The following MASP1 variants were observed in gnomAD, a reference collection of about 807,000 sequenced individuals.
MASP1 encodes mannan-binding lectin serine protease 1.
Under a neutral mutation model 77.1 loss-of-function variants are expected in MASP1, and 59 were observed. That is an observed-to-expected ratio of 0.77 (90% CI 0.62 to 0.95). The LOEUF (loss-of-function observed/expected upper bound fraction) is 0.95. Among genes scored for constraint, MASP1 ranks in the 40% least tolerant of loss-of-function variants. The pLI is 0.00. For missense variants in MASP1, 885 were observed against 912.9 expected (o/e 0.97, Z 0.39); for synonymous variants, 362 against 354.5 (o/e 1.02, Z -0.24).
At position 187,256,844 on chromosome 3, in the gene MASP1, G is replaced by T; in HGVS notation, c.564C>A (p.Asn188Lys). The T allele has an allele frequency of 1.9e-6, 3 of 1,613,836 alleles. No individual in the cohort carries two copies. The highest frequency in any genetic ancestry group is 2.5e-6 in the Non-Finnish European group (3 of 1,179,888). Residue 188 changes from asparagine to lysine, a missense_variant, in exon 5 of 11, where the codon AAC (asparagine) becomes AAA (lysine). Asn to Lys is a moderately conservative substitution (Grantham distance 94, BLOSUM62 0). Transcript: ENST00000296280. ...NRTCRVECSD[N>K]LFTQRTGVIT... ...TCACCCCAGTCCTTTGAGTGAAGAG[G>T]TTGTCACTGCACTCCACTGTTGGAA...
At chr3:187,289,065 G>T (rs1235900361) in intron 1 of MASP1, among the ~76,000 whole-genome samples, 2 of 152,130 alleles carry the variant, frequency 1.3e-5, no homozygotes, top group African/African-American at 4.8e-5. Flanking sequence ...TGTATACGAG[G>T]CACCGGCTGT....
intron 1 of MASP1, among the ~76,000 whole-genome samples, chr3:187,288,842 T>C (rs974065789): frequency 1.3e-5 from 2 of 152,184 alleles, no homozygotes; most frequent in Non-Finnish European, 2.9e-5. Flanking sequence ...CCATGTGTGG[T>C]AGGCAACTGG....
chr3:187,286,022 G>T lies in MASP1; in HGVS notation c.40C>A (p.Leu14Met), dbSNP rs761251394. The T allele has an allele frequency of 6.2e-7, 1 of 1,614,184 alleles. No homozygotes were observed. Among genetic ancestry groups the T allele is most frequent in the South Asian group, 1.1e-5 (1 of 91,076 alleles). The change falls in exon 2 of 11, where the codon CTG becomes ATG. Residue 14 changes from leucine (L) to methionine (M), a missense_variant. Physicochemically the swap from Leu to Met is conservative, Grantham distance 15. Coordinates refer to ENST00000296280, the MANE Select transcript of MASP1 (RefSeq NM_139125.4). The stretch of plus-strand genomic sequence containing the variant: ...ACGGTGTGGGCTGAAGCCTTTGACA[G>T]GGAGAAGCACAGAGCATAATAGAGA... ...LLLYYALCFS[L>M]SKASAHTVEL...
chr3:187,235,154 A>G lies in MASP1; in HGVS notation c.*530T>C, dbSNP rs1477482037. 7.8e-7 allele frequency: 1 copy of G among 1,287,474 alleles called. No individual in the cohort carries two copies. The highest frequency in any genetic ancestry group is 1.0e-6 in the Non-Finnish European group (1 of 988,930). 79.8% of individuals were successfully genotyped at this position (1,287,474 alleles called of 1,614,324 possible). ...CACACTAAGAGAGAGGGGCTTGGCT[A>G]TGAGCCATCTCCCAAAACCTGAATG... On this transcript the variant is annotated 3_prime_UTR_variant, in exon 11 of 11. Transcript: ENST00000296280.
chr3:187,271,036 C>G (rs1031894111), intron 2 of MASP1, among the ~76,000 whole-genome samples: 1 of 152,212 alleles, frequency 6.6e-6, no homozygotes, highest in African/African-American at 2.4e-5. Flanking sequence ...CAATAGATAA[C>G]TTTTATAGCA....
At chr3:187,248,216 G>C (rs1425836542) in intron 8 of MASP1, among the ~76,000 whole-genome samples, 2 of 152,134 alleles carry the variant, frequency 1.3e-5, no homozygotes, top group African/African-American at 2.4e-5. Flanking sequence ...AGGGTGTTCT[G>C]TTGTATGCTA....
At chr3:187,284,111 A>T in intron 2 of MASP1, among the ~76,000 whole-genome samples, 1 of 152,196 alleles carries the variant, frequency 6.6e-6, no homozygotes, top group East Asian at 1.9e-4. Flanking sequence ...GTTGTCTCTT[A>T]GAGCAACCAG....
rs1200000027 is a variant in MASP1 at position 187,247,337 on chromosome 3, T to C, written c.1090+2914A>G. On this transcript the variant is annotated intron_variant, in intron 8 of 10. Coordinates refer to ENST00000296280, the MANE Select transcript of MASP1 (RefSeq NM_139125.4). ...CATTGTGTGGGGTCCCGTCATTCAC[T>C]CTGTCACTTGCTCTGACTTGAGTTC... 3 of 1,613,940 alleles carry C rather than the reference T, an allele frequency of 1.9e-6. No individual in the cohort carries two copies. The African/African-American group carries it at 4.0e-5, about 22-fold the overall frequency.
At chr3:187,262,063 C>T (rs1171133189) in intron 3 of MASP1, among the ~76,000 whole-genome samples, 1 of 152,114 alleles carries the variant, frequency 6.6e-6, no homozygotes, top group Admixed American at 6.5e-5. Flanking sequence ...CAGTTGTTTC[C>T]TCTAAGGGAA....
intron 2 of MASP1, among the ~76,000 whole-genome samples, chr3:187,279,119 A>G (rs990792200): frequency 3.9e-5 from 6 of 152,246 alleles, no homozygotes; most frequent in Admixed American, 1.3e-4. Context: ...TGTTAAATAC[A>G]GAGGGATATT....
intron 13 of MASP1, among the ~76,000 whole-genome samples, chr3:187,224,548 G>T (rs1236109212): frequency 6.6e-6 from 1 of 151,622 alleles, no homozygotes; most frequent in Non-Finnish European, 1.5e-5. Context: ...GGGTTTCACC[G>T]TTTTAGCCGG....
intron 14 of MASP1, among the ~76,000 whole-genome samples, chr3:187,222,944 C>G (rs1030843489): frequency 3.3e-5 from 5 of 152,146 alleles, no homozygotes; most frequent in African/African-American, 1.2e-4. Flanking sequence ...ACATGTAGAA[C>G]AAACAAATCA....
chr3:187,226,999 A>T lies in MASP1; in HGVS notation c.1442-479T>A, dbSNP rs373014113. 2.6e-5 allele frequency among the ~76,000 whole-genome samples: 4 copies of T among 152,344 alleles called. No individual in the cohort carries two copies. The East Asian group carries it at 7.7e-4, about 29-fold the overall frequency. ...AATTTTCATTTTAACAAGACTCTCCAGTAATTTGTATGCATATTAAAGTTT... is the reference window on the plus strand; with the variant it reads ...AATTTTCATTTTAACAAGACTCTCCTGTAATTTGTATGCATATTAAAGTTT... On this transcript the variant is annotated intron_variant, in intron 11 of 15. Transcript: ENST00000337774.
At chr3:187,258,396 C>T (rs1351209416) in intron 4 of MASP1, among the ~76,000 whole-genome samples, 1 of 152,190 alleles carries the variant, frequency 6.6e-6, no homozygotes, top group Non-Finnish European at 1.5e-5. Context: ...GTGAAGTCTC[C>T]ATCCCAAAGT....
chr3:187,224,278 T>A (rs1712243923), intron 13 of MASP1, among the ~76,000 whole-genome samples: 1 of 151,608 alleles, frequency 6.6e-6, no homozygotes, highest in Admixed American at 6.6e-5. Flanking sequence ...TGAGGTTAAA[T>A]AACTTCCTGA....
At chr3:187,231,376 T>C (rs1224813929), downstream of MASP1, among the ~76,000 whole-genome samples, 4 of 152,206 alleles carry the variant, frequency 2.6e-5, no homozygotes, top group Admixed American at 2.6e-4. Context: ...CCACAGTCTC[T>C]CCTTCTCCTC....
chr3:187,273,321 C>T (rs577747261), intron 2 of MASP1, among the ~76,000 whole-genome samples: 220 of 152,296 alleles, frequency 1.4e-3, no homozygotes, highest in African/African-American at 5.0e-3. Flanking sequence ...AGCTGTTTGG[C>T]TCTTTGCACT....
Position 187,224,503 on chromosome 3 carries a change from T to C in MASP1, c.1741+821A>G, listed in dbSNP as rs376006614. Among the ~76,000 whole-genome samples the C allele has an allele frequency of 8.4e-3, 1,282 of 151,726 alleles. 13 individuals carry two copies. The highest frequency in any genetic ancestry group is 0.046 in the South Asian group (218 of 4,758). Reference sequence around the variant, plus strand: ...CTGGGACTACAGGCGCCCGCCACTATGCCCGGCTAATTTTTTGTATTTTTA... The same window carrying C: ...CTGGGACTACAGGCGCCCGCCACTACGCCCGGCTAATTTTTTGTATTTTTA... On this transcript the variant is annotated intron_variant, in intron 13 of 15. Coordinates refer to the MASP1 transcript ENST00000337774.
At chr3:187,278,010 A>T (rs1260381599) in intron 2 of MASP1, among the ~76,000 whole-genome samples, 1 of 152,196 alleles carries the variant, frequency 6.6e-6, no homozygotes. Context: ...CCAGGCAGAC[A>T]CTTTATTACT....
Sources: allele counts gnomAD v4.1 joint callset (sites outside exome capture counted in the v4.1 genomes callset), GRCh38; gene constraint gnomAD v4.1.1; transcripts MANE v1.5; gene names NCBI Gene and HGNC (gene_info 2026-07-23, HGNC 2026-07-21).